Variants in EPRS1 observed in about 807,000 individuals in gnomAD.
EPRS1 encodes the protein bifunctional glutamate/proline--tRNA ligase.
In EPRS1, 107 loss-of-function variants were observed where a neutral mutation model predicts 188.3. The ratio of observed to expected loss-of-function variants is 0.57; its 90% CI spans 0.49 to 0.67. The LOEUF (loss-of-function observed/expected upper bound fraction) is 0.67, where lower values mean the gene tolerates loss of function less well. Among genes scored for constraint, EPRS1 ranks in the 30% least tolerant of loss-of-function variants. The pLI is 0.00. For synonymous variants in EPRS1, 596 were observed against 593.1 expected (o/e 1.00, Z -0.07); for missense variants, 1,577 against 1,802.2 (o/e 0.88, Z 2.26).
At chr1:220,025,513 T>C (rs1558059220) in intron 6 of EPRS1, among the ~76,000 whole-genome samples, 1 of 152,104 alleles carries the variant, frequency 6.6e-6, no homozygotes, top group Admixed American at 6.5e-5. Context: ...ACAAGGTATT[T>C]ACAAACATTG....
intron 23 of EPRS1, 24 bp from the exon 24 acceptor site, chr1:219,981,481 A>G (rs1021658563): frequency 1.3e-6 from 2 of 1,503,148 alleles, no homozygotes; most frequent in Non-Finnish European, 1.8e-6. Context: ...GAAAATAGAG[A>G]CAGTCATTTA....
At chr1:220,025,898 G>A (rs1333024856) in intron 6 of EPRS1, among the ~76,000 whole-genome samples, 2 of 151,694 alleles carry the variant, frequency 1.3e-5, no homozygotes, top group African/African-American at 2.4e-5. Context: ...GGGTTCAAGC[G>A]ATTCTCCTGC....
At chr1:220,004,340 T>TA (rs1661417708) in intron 16 of EPRS1, among the ~76,000 whole-genome samples, 1 of 152,166 alleles carries the variant, frequency 6.6e-6, no homozygotes, top group Non-Finnish European at 1.5e-5. Context: ...GCCCTACTAA[T>TA]AGAGATTTTT....
chr1:219,988,781 C>A lies in EPRS1; in HGVS notation c.2584G>T (p.Ala862Ser), dbSNP rs142360054. The A allele has an allele frequency of 1.9e-5, 30 of 1,612,448 alleles. No homozygotes were observed. Among genetic ancestry groups the A allele is most frequent in the Non-Finnish European group, 2.4e-5 (28 of 1,178,892 alleles). Residue 862 changes from alanine to serine, a missense_variant, in exon 19 of 32, where the codon GCT becomes TCT. Around this residue, in one of 3 missense-constraint regions of EPRS1, gnomAD observed 1,278 missense variants for 1,457.4 expected, o/e 0.88. Transcript: ENST00000366923. Reference sequence around the variant, plus strand: ...TTCCCAGTTTTTTCTTTATACTGAGCCTTCAGGGACAGTAAGCATTCTACA... The same window carrying A: ...TTCCCAGTTTTTTCTTTATACTGAGACTTCAGGGACAGTAAGCATTCTACA... ...EAVECLLSLK[A>S]QYKEKTGKEY...
At chr1:220,002,280 T>C (rs1432320785) in intron 16 of EPRS1, among the ~76,000 whole-genome samples, 1 of 150,014 alleles carries the variant, frequency 6.7e-6, no homozygotes, top group African/African-American at 2.5e-5. Context: ...TGCAATGAGC[T>C]GAGACTGCAT....
chr1:219,978,759 A>G, intron 27 of EPRS1, 40 bp from the exon 28 acceptor site: 1 of 1,510,246 alleles, frequency 6.6e-7, no homozygotes, highest in South Asian at 1.2e-5. Context: ...GCAAAGAAAC[A>G]GATATAGAAG....
chr1:220,022,336 G>C lies in EPRS1; in HGVS notation c.1115+11C>G. 2 of 1,609,460 alleles carry C rather than the reference G, an allele frequency of 1.2e-6. No individual in the cohort carries two copies. The highest frequency in any genetic ancestry group is 8.5e-7 in the Non-Finnish European group (1 of 1,176,854). Reference sequence around the variant, plus strand: ...GATGGCTACCTAGCATATTGAAGGAGATATACTTACTTGTATTTATTTCCA... The same window carrying C: ...GATGGCTACCTAGCATATTGAAGGACATATACTTACTTGTATTTATTTCCA... On this transcript the variant is annotated intron_variant, in intron 9 of 31. Transcript: ENST00000366923.
rs1466730991 is a variant in EPRS1 at position 219,978,601 on chromosome 1, G to T, written c.4028C>A (p.Ala1343Asp). 9 of 1,607,910 alleles carry T rather than the reference G, an allele frequency of 5.6e-6. No individual in the cohort carries two copies. Among genetic ancestry groups the T allele is most frequent in the East Asian group, 2.3e-5 (1 of 44,420 alleles). The change falls in exon 28 of 32, where the codon GCT becomes GAT. Residue 1343 changes from alanine to aspartate, a missense_variant. Around this residue, in one of 3 missense-constraint regions of EPRS1, gnomAD observed 296 missense variants for 327.9 expected, o/e 0.90. Coordinates refer to ENST00000366923, the MANE Select transcript of EPRS1 (RefSeq NM_004446.3). ...TGGAGAATAATTATCTCGTAAATCA[G>T]CTCTAACGCGGATGTTAACACTGAG... The part of the protein sequence containing the change: ...RLLSVNIRVR[A>D]DLRDNYSPGW...
At position 220,046,353 on chromosome 1, in the gene EPRS1, G is replaced by T. The variant is rs188350573; in HGVS notation, c.36C>A (p.Asp12Glu). The T allele has an allele frequency of 5.0e-6, 8 of 1,614,120 alleles. No individual in the cohort carries two copies. The East Asian group carries it at 1.6e-4, about 31-fold the overall frequency. The part of the protein sequence containing the change: ...ATLSLTVNSG[D>E]PPLGALLAVE... ...GTCTCGGCCCCTTACCTAGCGGAGG[G>T]TCTCCTGAATTCACGGTCAGAGAGA... The change falls in exon 1 of 32, where the codon GAC (aspartate) becomes GAA (glutamate). Residue 12 changes from aspartate to glutamate, a missense_variant. Asp to Glu is a conservative substitution (Grantham distance 45, BLOSUM62 2). Transcript: ENST00000366923.
At chr1:220,007,968 G>A (rs951736573) in intron 13 of EPRS1, among the ~76,000 whole-genome samples, 1 of 152,070 alleles carries the variant, frequency 6.6e-6, no homozygotes, top group South Asian at 2.1e-4. Flanking sequence ...TTAACTGGGC[G>A]TGGTGGCATG....
intron 1 of EPRS1, among the ~76,000 whole-genome samples, chr1:220,042,602 A>G (rs1454543686): frequency 6.6e-6 from 1 of 151,916 alleles, no homozygotes; most frequent in Non-Finnish European, 1.5e-5. Context: ...ACACCCATAC[A>G]ATGAAATTTT....
intron 10 of EPRS1, among the ~76,000 whole-genome samples, chr1:220,019,297 C>T (rs1661809066): frequency 6.6e-6 from 1 of 151,872 alleles, no homozygotes; most frequent in South Asian, 2.1e-4. Flanking sequence ...AAATGCACTA[C>T]TGGAAACAGT....
At position 220,019,021 on chromosome 1, in the gene EPRS1, C is replaced by T; in HGVS notation, c.1408G>A (p.Gly470Arg). Reference sequence around the variant, plus strand: ...TGAGCAGCAATAAACTGTTTCAGTCCTTCAACTGTCATCCCTCTTCTCAGT... The same window carrying T: ...TGAGCAGCAATAAACTGTTTCAGTCTTTCAACTGTCATCCCTCTTCTCAGT... ...GVLRRGMTVE[G>R]LKQFIAAQGS... The change falls in exon 11 of 32, where the codon GGA (glycine) becomes AGA (arginine). Residue 470 changes from glycine to arginine, a missense_variant. Transcript: ENST00000366923. 1 of 1,613,058 alleles carries T rather than the reference C, an allele frequency of 6.2e-7. No individual in the cohort carries two copies. Among genetic ancestry groups the T allele is most frequent in the Non-Finnish European group, 8.5e-7 (1 of 1,179,152 alleles).
chr1:219,983,428 T>A (rs758238608), intron 21 of EPRS1, 30 bp from the exon 22 acceptor site: 1 of 1,540,824 alleles, frequency 6.5e-7, no homozygotes. Context: ...TCTTTAAAGC[T>A]TACATTGAAC....
intron 18 of EPRS1, among the ~76,000 whole-genome samples, chr1:219,991,092 A>G (rs1661112474): frequency 6.6e-6 from 1 of 152,122 alleles, no homozygotes; most frequent in Non-Finnish European, 1.5e-5. Context: ...TAAAAACTGG[A>G]AAGTTAAATA....
chr1:219,998,918 C>CAA (rs35145633), intron 17 of EPRS1, among the ~76,000 whole-genome samples: 62 of 126,426 alleles, frequency 4.9e-4, no homozygotes, highest in Middle Eastern at 4.2e-3. Flanking sequence ...AGTGTAACAC[C>CAA]AAAAAAAAAA....
rs1156975703 is a variant in EPRS1 at position 220,017,455 on chromosome 1, T to C, written c.1494+994A>G. Among the ~76,000 whole-genome samples, 4 of 152,216 alleles carry C rather than the reference T, an allele frequency of 2.6e-5. 1 individual carries two copies. Among genetic ancestry groups the C allele is most frequent in the Admixed American group, 2.6e-4 (4 of 15,290 alleles). Reference sequence around the variant, plus strand: ...AATGAAAAGTACACCAGTGTTAACTTTGCCAGCAAATTCTACTCATATTTA... The same window carrying C: ...AATGAAAAGTACACCAGTGTTAACTCTGCCAGCAAATTCTACTCATATTTA... On this transcript the variant is annotated intron_variant, in intron 12 of 31. Coordinates refer to ENST00000366923, the MANE Select transcript of EPRS1 (RefSeq NM_004446.3).
At position 220,018,719 on chromosome 1, in the gene EPRS1, G is replaced by A. The variant is rs547953459; in HGVS notation, c.1435-211C>T. ...AGGTTCAGTCTACAGACTGCTCACA[G>A]TCAAGTCATATAATTCACTGCTAAA... On this transcript the variant is annotated intron_variant, in intron 11 of 31. Transcript: ENST00000366923. Among the ~76,000 whole-genome samples the A allele has an allele frequency of 2.1e-4, 32 of 151,748 alleles. 1 individual carries two copies. The highest frequency in any genetic ancestry group is 7.5e-4 in the African/African-American group (31 of 41,388).
intron 18 of EPRS1, 93 bp from the exon 19 acceptor site, chr1:219,988,916 A>T (rs986687599): frequency 1.4e-6 from 1 of 728,524 alleles, no homozygotes; most frequent in East Asian, 2.7e-5. Flanking sequence ...TCAGCAAATC[A>T]TTCCCATAAG....
Sources: allele counts gnomAD v4.1 joint callset (sites outside exome capture counted in the v4.1 genomes callset), GRCh38; gene constraint gnomAD v4.1.1; regional missense constraint gnomAD v4.1.1; transcripts MANE v1.5; gene names NCBI Gene and HGNC (gene_info 2026-07-23, HGNC 2026-07-21).